The following VPS13B variants were observed in gnomAD, a reference collection of about 807,000 sequenced individuals.
VPS13B encodes the protein intermembrane lipid transfer protein VPS13B.
VPS13B carries 285 observed loss-of-function variants against 426.4 expected under a neutral mutation model. That is an observed-to-expected ratio of 0.67 (90% CI 0.61 to 0.74). The LOEUF (loss-of-function observed/expected upper bound fraction) is 0.74. Ranked by LOEUF, VPS13B falls within the 30% of genes least tolerant of loss-of-function variation. The probability of loss-of-function intolerance (pLI) is 0.00; values close to 1 mark genes in which losing one functional copy is unlikely to be tolerated. For missense variants in VPS13B, 4,537 were observed against 4,782.6 expected (o/e 0.95, Z 1.51); for synonymous variants, 1,676 against 1,676.4 (o/e 1.00, Z 0.01).
At chr8:99,705,978 G>A (rs144539823) in intron 36 of VPS13B, among the ~76,000 whole-genome samples, 1 of 152,222 alleles carries the variant, frequency 6.6e-6, no homozygotes, top group African/African-American at 2.4e-5. Flanking sequence ...CGTAGAGGGA[G>A]ATGAGCTCAT....
At position 99,175,602 on chromosome 8, in the gene VPS13B, A is replaced by G. The variant is rs191261263; in HGVS notation, c.2333+5439A>G. 1.1e-3 allele frequency among the ~76,000 whole-genome samples: 170 copies of G among 152,212 alleles called. 1 individual carries two copies. The highest frequency in any genetic ancestry group is 3.4e-3 in the Middle Eastern group (1 of 294). On this transcript the variant is annotated intron_variant, in intron 16 of 61. Coordinates refer to ENST00000357162, the MANE Select transcript of VPS13B (RefSeq NM_152564.5). ...TTCCAGACCCCATTTCTAGAAAAAT[A>G]AAAAGGTAACCAGGCATGGTGGCAT...
At chr8:99,486,197 G>T (rs987893001) in intron 25 of VPS13B, among the ~76,000 whole-genome samples, 1 of 151,314 alleles carries the variant, frequency 6.6e-6, no homozygotes, top group African/African-American at 2.4e-5. Flanking sequence ...TATGCACGAC[G>T]TCCCACACAA....
intron 4 of VPS13B, among the ~76,000 whole-genome samples, chr8:99,101,264 T>C (rs910079521): frequency 2.7e-4 from 41 of 152,228 alleles, no homozygotes; most frequent in Middle Eastern, 3.4e-3. Flanking sequence ...CCTGAGTAGC[T>C]GGGACTACAG....
chr8:99,283,412 A>C (rs1244167679), intron 19 of VPS13B, among the ~76,000 whole-genome samples: 3 of 152,124 alleles, frequency 2.0e-5, no homozygotes, highest in Non-Finnish European at 4.4e-5. Context: ...TTGGTGCAAA[A>C]AATCTTATCC....
chr8:99,108,629 T>C (rs1387067022), intron 5 of VPS13B, among the ~76,000 whole-genome samples: 1 of 152,184 alleles, frequency 6.6e-6, no homozygotes, highest in Non-Finnish European at 1.5e-5. Context: ...TTTATTCCAT[T>C]GGGCTATGTG....
chr8:99,773,537 C>A (rs2130653385), intron 40 of VPS13B, among the ~76,000 whole-genome samples: 1 of 152,274 alleles, frequency 6.6e-6, no homozygotes, highest in South Asian at 2.1e-4. Context: ...TCACTCAGGA[C>A]AGTTGGTAAG....
chr8:99,322,944 A>T (rs1168164183), intron 19 of VPS13B, among the ~76,000 whole-genome samples: 2 of 152,228 alleles, frequency 1.3e-5, no homozygotes, highest in African/African-American at 4.8e-5. Context: ...AATTTTTACC[A>T]GAAAAGTATA....
intron 50 of VPS13B, among the ~76,000 whole-genome samples, chr8:99,822,735 C>T (rs1375358677): frequency 6.6e-6 from 1 of 152,034 alleles, no homozygotes. Context: ...TATTGAGAAC[C>T]CCCAAAGACC....
intron 5 of VPS13B, among the ~76,000 whole-genome samples, chr8:99,109,953 C>CT (rs1192087714): frequency 6.0e-5 from 9 of 151,230 alleles, no homozygotes; most frequent in South Asian, 2.1e-4. Context: ...TACAGGATAT[C>CT]TTTTTTTTTC....
intron 61 of VPS13B, among the ~76,000 whole-genome samples, chr8:99,874,524 T>TC (rs2130986947): frequency 6.6e-6 from 1 of 152,290 alleles, no homozygotes; most frequent in African/African-American, 2.4e-5. Flanking sequence ...CTTTACCACT[T>TC]CTTCCAGAGT....
At chr8:99,869,255 C>T (rs962632915) in intron 59 of VPS13B, among the ~76,000 whole-genome samples, 2 of 152,226 alleles carry the variant, frequency 1.3e-5, no homozygotes, top group Non-Finnish European at 2.9e-5. Context: ...GAAGCGCCCT[C>T]CCGTTTGTCA....
At chr8:99,445,520 C>CT (rs1173022017) in intron 23 of VPS13B, among the ~76,000 whole-genome samples, 3 of 149,140 alleles carry the variant, frequency 2.0e-5, no homozygotes, top group Admixed American at 6.7e-5. Context: ...GTAATATATA[C>CT]TTTTTTTAAT....
At chr8:99,674,093 G>A (rs1011797664) in intron 35 of VPS13B, among the ~76,000 whole-genome samples, 1 of 152,014 alleles carries the variant, frequency 6.6e-6, no homozygotes, top group South Asian at 2.1e-4. Context: ...GTATATGTTT[G>A]TCAGGTTCAA....
chr8:99,337,457 T>C (rs1356041909), intron 19 of VPS13B, among the ~76,000 whole-genome samples: 8 of 151,844 alleles, frequency 5.3e-5, no homozygotes. Context: ...GGCACATGTA[T>C]ACGTATGTAA....
At position 99,301,307 on chromosome 8, in the gene VPS13B, T is replaced by C. The variant is rs559540419; in HGVS notation, c.2824+26053T>C. The stretch of plus-strand genomic sequence containing the variant: ...TCTTGTTTTCTTTCTTTCTTTTTTT[T>C]TTTTTGACTGAGTTTTGCTCTTGTT... On this transcript the variant is annotated intron_variant, in intron 19 of 61. Transcript: ENST00000357162. 4.6e-5 allele frequency among the ~76,000 whole-genome samples: 7 copies of C among 151,826 alleles called. No individual in the cohort carries two copies. The East Asian group carries it at 1.4e-3, about 29-fold the overall frequency.
At chr8:99,714,881 T>A (rs1832850223) in intron 36 of VPS13B, among the ~76,000 whole-genome samples, 1 of 152,140 alleles carries the variant, frequency 6.6e-6, no homozygotes, top group Non-Finnish European at 1.5e-5. Context: ...GATCCTAGGT[T>A]GAATCCTGGA....
chr8:99,540,872 G>T (rs893284303), intron 30 of VPS13B, among the ~76,000 whole-genome samples: 2 of 152,042 alleles, frequency 1.3e-5, no homozygotes, highest in African/African-American at 4.8e-5. Flanking sequence ...TTAAATGTTT[G>T]TCTTTGCTAT....
chr8:99,076,290 G>A (rs1845117200), intron 3 of VPS13B, among the ~76,000 whole-genome samples: 1 of 152,126 alleles, frequency 6.6e-6, no homozygotes, highest in Admixed American at 6.6e-5. Context: ...GATTTACACT[G>A]GAGAATGTTT....
intron 33 of VPS13B, among the ~76,000 whole-genome samples, chr8:99,617,197 A>G (rs1253732714): frequency 6.6e-6 from 1 of 152,238 alleles, no homozygotes; most frequent in Non-Finnish European, 1.5e-5. Flanking sequence ...CCTCAAAAAT[A>G]ATTTCTCACA....
Sources: allele counts gnomAD v4.1 joint callset (sites outside exome capture counted in the v4.1 genomes callset), GRCh38; gene constraint gnomAD v4.1.1; transcripts MANE v1.5; gene names NCBI Gene and HGNC (gene_info 2026-07-23, HGNC 2026-07-21).